LRMDA: variants seen among roughly 807,000 people sequenced by gnomAD.
LRMDA encodes leucine-rich melanocyte differentiation-associated protein.
In LRMDA, 18 loss-of-function variants were observed where a neutral mutation model predicts 29.8. The ratio of observed to expected loss-of-function variants is 0.60; its 90% CI spans 0.42 to 0.90. The LOEUF is 0.90. Among genes scored for constraint, LRMDA ranks in the 40% least tolerant of loss-of-function variants. The probability of loss-of-function intolerance (pLI) is 0.00; values close to 1 mark genes in which losing one functional copy is unlikely to be tolerated. For synonymous variants in LRMDA, 125 were observed against 109.4 expected (o/e 1.14, Z -0.89); for missense variants, 273 against 273.9 (o/e 1.00, Z 0.02).
intron 5 of LRMDA, among the ~76,000 whole-genome samples, chr10:76,236,974 G>A (rs2132279113): frequency 1.3e-5 from 2 of 152,236 alleles, no homozygotes; most frequent in South Asian, 4.1e-4. Flanking sequence ...TTGGATTTCT[G>A]CAATAATGTG....
chr10:76,088,125 G>C (rs1849167308), intron 5 of LRMDA, among the ~76,000 whole-genome samples: 1 of 152,112 alleles, frequency 6.6e-6, no homozygotes, highest in Non-Finnish European at 1.5e-5. Flanking sequence ...AAGTCTCACA[G>C]ACACACAAAA....
intron 2 of LRMDA, among the ~76,000 whole-genome samples, chr10:75,505,988 TTA>T (rs1330776934): frequency 6.6e-6 from 1 of 152,188 alleles, no homozygotes; most frequent in Non-Finnish European, 1.5e-5. Context: ...CACAGAGCCT[TTA>T]AGGCTTATTA....
chr10:75,891,176 C>A (rs1171523202), intron 2 of LRMDA, among the ~76,000 whole-genome samples: 3 of 152,024 alleles, frequency 2.0e-5, no homozygotes, highest in Non-Finnish European at 4.4e-5. Context: ...GTGGCTGGCC[C>A]ACCTGAGAAA....
intron 2 of LRMDA, among the ~76,000 whole-genome samples, chr10:75,728,003 A>G (rs371546860): frequency 6.6e-6 from 1 of 152,152 alleles, no homozygotes; most frequent in Non-Finnish European, 1.5e-5. Flanking sequence ...TTGAGTGGCT[A>G]CGTTTAGCCA....
At chr10:75,673,971 G>A (rs182094652) in intron 2 of LRMDA, among the ~76,000 whole-genome samples, 229 of 152,314 alleles carry the variant, frequency 1.5e-3, no homozygotes, top group Non-Finnish European at 2.9e-3. Context: ...CAAAGGAACT[G>A]TTGCCTTCCT....
At chr10:75,724,389 G>C (rs949452934) in intron 2 of LRMDA, among the ~76,000 whole-genome samples, 3 of 152,146 alleles carry the variant, frequency 2.0e-5, no homozygotes, top group Non-Finnish European at 4.4e-5. Flanking sequence ...CCATTTTCCT[G>C]ACTGTTTTCA....
chr10:75,953,918 G>A (rs1846620866), intron 2 of LRMDA, among the ~76,000 whole-genome samples: 1 of 152,142 alleles, frequency 6.6e-6, no homozygotes, highest in Non-Finnish European at 1.5e-5. Context: ...CAGGTGGGCC[G>A]AATCTAATCA....
Position 75,723,935 on chromosome 10 carries a change from G to A in LRMDA, c.131+285441G>A, listed in dbSNP as rs539992344. 3.9e-5 allele frequency among the ~76,000 whole-genome samples: 6 copies of A among 152,190 alleles called. No individual in the cohort carries two copies. In the South Asian group the frequency reaches 1.2e-3, roughly 32 times the overall value. On this transcript the variant is annotated intron_variant, in intron 2 of 6. Coordinates refer to ENST00000611255, the MANE Select transcript of LRMDA (RefSeq NM_001305581.2). ...AGTAAAAATTGAACATGACACACCA[G>A]CAATTTATTATTTGTATGTTTTTTA...
chr10:75,729,776 T>C (rs1009911502), intron 2 of LRMDA, among the ~76,000 whole-genome samples: 3 of 152,162 alleles, frequency 2.0e-5, no homozygotes, highest in African/African-American at 7.2e-5. Flanking sequence ...TGCATCTGGC[T>C]GGGTTTTGTT....
intron 5 of LRMDA, among the ~76,000 whole-genome samples, chr10:76,268,552 G>C (rs1174215428): frequency 2.0e-5 from 3 of 152,170 alleles, no homozygotes; most frequent in African/African-American, 7.2e-5. Flanking sequence ...GAGGACATTA[G>C]GAAAGCCTGC....
At chr10:76,103,707 A>G (rs1453611782) in intron 5 of LRMDA, among the ~76,000 whole-genome samples, 3 of 152,182 alleles carry the variant, frequency 2.0e-5, no homozygotes, top group African/African-American at 7.2e-5. Context: ...TGTGTTTTCT[A>G]TCAGAGTTTG....
intron 2 of LRMDA, among the ~76,000 whole-genome samples, chr10:75,726,314 A>G (rs1842630643): frequency 6.6e-6 from 1 of 152,174 alleles, no homozygotes; most frequent in Non-Finnish European, 1.5e-5. Context: ...TCCCAGTGGT[A>G]TAGTTAAGGA....
chr10:76,494,808 G>A (rs955371170), intron 6 of LRMDA, among the ~76,000 whole-genome samples: 4 of 151,540 alleles, frequency 2.6e-5, no homozygotes, highest in African/African-American at 9.7e-5. Context: ...ATTTTAATTT[G>A]CAATTTGTTT....
intron 2 of LRMDA, among the ~76,000 whole-genome samples, chr10:75,540,737 G>GTGAT (rs2132048543): frequency 6.6e-6 from 1 of 152,278 alleles, no homozygotes; most frequent in Non-Finnish European, 1.5e-5. Flanking sequence ...AGTTGTGTAT[G>GTGAT]TGATTGTCTT....
chr10:76,223,799 C>G (rs911280680), intron 5 of LRMDA, among the ~76,000 whole-genome samples: 4 of 152,196 alleles, frequency 2.6e-5, no homozygotes, highest in African/African-American at 9.7e-5. Context: ...GTTATATCAC[C>G]TCATTTGACT....
chr10:76,007,019 T>TGTGTGTGC lies in LRMDA; in HGVS notation c.132-28982_132-28981insCGTGTGTG, dbSNP rs1554840192. Among the ~76,000 whole-genome samples, 15 of 130,068 alleles carry TGTGTGTGC rather than the reference T, an allele frequency of 1.2e-4. 1 individual carries two copies. The highest frequency in any genetic ancestry group is 5.5e-4 in the African/African-American group (15 of 27,306). 85.3% of individuals were successfully genotyped at this position (130,068 alleles called of 152,430 possible). ...GTGTGTGTGTGTGTGTGTGTGTGTG[T>TGTGTGTGC]GTGTGTGTGTGTGCGCGTGTGTGTT... On this transcript the variant is annotated intron_variant, in intron 2 of 6. Coordinates refer to ENST00000611255, the MANE Select transcript of LRMDA (RefSeq NM_001305581.2).
chr10:75,691,028 CAT>C (rs1554820546), intron 2 of LRMDA, among the ~76,000 whole-genome samples: 6 of 126,992 alleles, frequency 4.7e-5, no homozygotes, highest in Middle Eastern at 4.7e-3. Context: ...CACACACACA[CAT>C]ATATATATTG....
intron 2 of LRMDA, among the ~76,000 whole-genome samples, chr10:75,489,080 A>G (rs1446281069): frequency 1.3e-5 from 2 of 152,184 alleles, no homozygotes; most frequent in African/African-American, 2.4e-5. Context: ...TGTAATGCCT[A>G]CTTGTTATTT....
intron 2 of LRMDA, among the ~76,000 whole-genome samples, chr10:75,474,755 G>A (rs1181219307): frequency 2.0e-5 from 3 of 152,192 alleles, no homozygotes; most frequent in South Asian, 4.1e-4. Context: ...TTTCTTGGGG[G>A]CTGGCCCCTT....
Sources: allele counts gnomAD v4.1 joint callset (sites outside exome capture counted in the v4.1 genomes callset), GRCh38; gene constraint gnomAD v4.1.1; transcripts MANE v1.5; gene names NCBI Gene and HGNC (gene_info 2026-07-23, HGNC 2026-07-21).